Variants in SLC7A1 observed in about 807,000 individuals in gnomAD.
The protein encoded by SLC7A1 is high affinity cationic amino acid transporter 1.
In SLC7A1, 10 loss-of-function variants were observed where a neutral mutation model predicts 53.9. The observed-to-expected ratio is 0.19, with a 90% CI of 0.11 to 0.31. The LOEUF (loss-of-function observed/expected upper bound fraction) is 0.31. Ranked by LOEUF, SLC7A1 falls within the 10% of genes least tolerant of loss-of-function variation. SLC7A1 has a pLI of 1.00. For synonymous variants in SLC7A1, 342 were observed against 338.7 expected (o/e 1.01, Z -0.11); for missense variants, 525 against 827.2 (o/e 0.63, Z 4.48).
In SLC7A1 at chr13:29,514,503, C is replaced by G. The variant is rs141199906; in HGVS notation, c.1867G>C (p.Gly623Arg). ...CGTCACTTGCACTGGTCCAAGTTGCCGTCAGGAGTCCTTGCTTGGTCGGCA... is the reference window on the plus strand; with the variant it reads ...CGTCACTTGCACTGGTCCAAGTTGCGGTCAGGAGTCCTTGCTTGGTCGGCA... ...LDADQARTPD[G>R]NLDQCK Residue 623 changes from glycine to arginine, a missense_variant, in exon 13 of 13, where the codon GGC becomes CGC. Gly to Arg is a moderately radical substitution (Grantham distance 125). Coordinates refer to ENST00000380752, the MANE Select transcript of SLC7A1 (RefSeq NM_003045.5). 52 of 1,610,476 alleles carry G rather than the reference C, an allele frequency of 3.2e-5. No individual in the cohort carries two copies. In the Admixed American group the frequency reaches 6.2e-4, roughly 19 times the overall value.
At chr13:29,568,773 G>T (rs1226649598) in intron 1 of SLC7A1, among the ~76,000 whole-genome samples, 1 of 152,206 alleles carries the variant, frequency 6.6e-6, no homozygotes, top group Non-Finnish European at 1.5e-5. Context: ...ACCTTGTGTG[G>T]CCGCAAAGCC....
Position 29,513,080 on chromosome 13 carries a change from G to A in SLC7A1, c.*1400C>T, listed in dbSNP as rs1000729405. On this transcript the variant is annotated 3_prime_UTR_variant, in exon 13 of 13. Coordinates refer to ENST00000380752, the MANE Select transcript of SLC7A1 (RefSeq NM_003045.5). The stretch of plus-strand genomic sequence containing the variant: ...AGACTCAGTGGAACGCTCCACCCAC[G>A]TTCAGGTTTCCTCTGGCTCCCATCT... 2.0e-5 allele frequency: 3 copies of A among 152,190 alleles called. No homozygotes were observed. The highest frequency in any genetic ancestry group is 1.9e-4 in the East Asian group (1 of 5,178). The allele number at this position is 152,190 out of a possible 1,614,324, so 9.4% of individuals were successfully genotyped here.
intron 12 of SLC7A1, among the ~76,000 whole-genome samples, chr13:29,515,122 T>G (rs1883517198): frequency 6.6e-6 from 1 of 152,194 alleles, no homozygotes; most frequent in African/African-American, 2.4e-5. Context: ...CCAGGACCTA[T>G]GCTTCTTACC....
chr13:29,534,083 A>T (rs969101021), intron 3 of SLC7A1, among the ~76,000 whole-genome samples: 3 of 152,184 alleles, frequency 2.0e-5, no homozygotes, highest in Admixed American at 1.3e-4. Flanking sequence ...CCCCCAAAGC[A>T]GCTGGCTTAT....
intron 4 of SLC7A1, among the ~76,000 whole-genome samples, chr13:29,532,221 A>C (rs1336637972): frequency 6.6e-6 from 1 of 152,252 alleles, no homozygotes; most frequent in African/African-American, 2.4e-5. Flanking sequence ...CTCGCGCTGC[A>C]CTGGCCAAGA....
At chr13:29,545,354 T>G (rs1013797168) in intron 2 of SLC7A1, among the ~76,000 whole-genome samples, 3 of 151,990 alleles carry the variant, frequency 2.0e-5, no homozygotes, top group African/African-American at 7.3e-5. Context: ...CCCATGCCAC[T>G]GTGGGGACCA....
intron 1 of SLC7A1, among the ~76,000 whole-genome samples, chr13:29,571,561 G>A (rs750144713): frequency 1.3e-5 from 2 of 152,118 alleles, no homozygotes; most frequent in African/African-American, 2.4e-5. Context: ...GGATAGTCCC[G>A]CTCACCCAGA....
chr13:29,575,252 T>A (rs1871362966), intron 1 of SLC7A1, among the ~76,000 whole-genome samples: 1 of 152,214 alleles, frequency 6.6e-6, no homozygotes, highest in African/African-American at 2.4e-5. Flanking sequence ...TTTTCTTATT[T>A]ATATATAAAG....
chr13:29,567,615 C>T lies in SLC7A1; in HGVS notation c.-114-13755G>A, dbSNP rs116282768. ...ACACCTGACAGGTAAGCTCCTGCCA[C>T]ACTCCTGGGTGTTTACAAGCTGCTG... is the stretch of plus-strand genomic sequence containing the variant. On this transcript the variant is annotated intron_variant, in intron 1 of 12. Transcript: ENST00000380752. Among the ~76,000 whole-genome samples, 732 of 152,340 alleles carry T rather than the reference C, an allele frequency of 4.8e-3. 6 individuals are homozygous for T. Among genetic ancestry groups the T allele is most frequent in the African/African-American group, 0.016 (645 of 41,582 alleles).
At chr13:29,522,870 C>T (rs908730954) in intron 7 of SLC7A1, among the ~76,000 whole-genome samples, 3 of 152,142 alleles carry the variant, frequency 2.0e-5, no homozygotes, top group Non-Finnish European at 2.9e-5. Context: ...AGAGGAAATA[C>T]GATTGGTGAA....
chr13:29,514,462 G>A lies in SLC7A1; in HGVS notation c.*18C>T, dbSNP rs561952007. The A allele has an allele frequency of 2.7e-5, 43 of 1,591,986 alleles. No individual in the cohort carries two copies. In the East Asian group the frequency reaches 3.4e-4, roughly 12 times the overall value. On this transcript the variant is annotated 3_prime_UTR_variant, in exon 13 of 13. Coordinates refer to ENST00000380752, the MANE Select transcript of SLC7A1 (RefSeq NM_003045.5). ...GTCCCTCGGGGCTGCTGCCACCTCC[G>A]GGGGGCGGGGCTGTGCGTCACTTGC... is the stretch of plus-strand genomic sequence containing the variant.
chr13:29,545,733 C>A (rs1158516424), intron 2 of SLC7A1, among the ~76,000 whole-genome samples: 2 of 151,958 alleles, frequency 1.3e-5, no homozygotes, highest in East Asian at 3.8e-4. Flanking sequence ...TTCCCTTCAT[C>A]GAAACTTTGC....
At chr13:29,551,563 C>A (rs748192734) in intron 2 of SLC7A1, among the ~76,000 whole-genome samples, 8 of 152,194 alleles carry the variant, frequency 5.3e-5, no homozygotes, top group Non-Finnish European at 1.0e-4. Flanking sequence ...AAGCGGAAGA[C>A]TCTGACTTAG....
intron 5 of SLC7A1, among the ~76,000 whole-genome samples, chr13:29,527,072 TAAA>T (rs34724516): frequency 9.7e-4 from 139 of 143,946 alleles, no homozygotes; most frequent in Middle Eastern, 3.6e-3. Flanking sequence ...AGGGCCTGAT[TAAA>T]AAAAAAAAAA....
intron 1 of SLC7A1, among the ~76,000 whole-genome samples, chr13:29,584,009 A>G (rs991055331): frequency 6.6e-6 from 1 of 152,218 alleles, no homozygotes. Flanking sequence ...GCAATAACAG[A>G]GTCATCATTT....
intron 4 of SLC7A1, 121 bp from the exon 5 acceptor site, chr13:29,530,833 A>G (rs1869117199): frequency 1.4e-6 from 1 of 714,278 alleles, no homozygotes; most frequent in Admixed American, 2.6e-5. Context: ...GCCTCTGCAG[A>G]CCTCTGTGAG....
chr13:29,510,587 T>A lies in SLC7A1; in HGVS notation c.*3893A>T, dbSNP rs1170309652. 1.3e-5 allele frequency: 2 copies of A among 152,268 alleles called. No homozygotes were observed. The highest frequency in any genetic ancestry group is 1.3e-4 in the Admixed American group (2 of 15,292). The allele number at this position is 152,268 out of a possible 1,614,324, so 9.4% of individuals were successfully genotyped here. ...GCGAACTCTGCATCAGTTCCACATA[T>A]AAGCCTCACGCCCCCACCACCCTGC... On this transcript the variant is annotated 3_prime_UTR_variant, in exon 13 of 13. Coordinates refer to ENST00000380752, the MANE Select transcript of SLC7A1 (RefSeq NM_003045.5).
intron 2 of SLC7A1, among the ~76,000 whole-genome samples, chr13:29,539,814 G>A (rs763763321): frequency 6.6e-6 from 1 of 152,132 alleles, no homozygotes; most frequent in Non-Finnish European, 1.5e-5. Flanking sequence ...GAATTCCTTT[G>A]GAAGACACTG....
At chr13:29,534,829 G>C (rs763334425) in intron 3 of SLC7A1, among the ~76,000 whole-genome samples, 24 of 152,300 alleles carry the variant, frequency 1.6e-4, no homozygotes, top group African/African-American at 5.3e-4. Flanking sequence ...ATGGCATGTT[G>C]AGTGGCCGTT....
Sources: allele counts gnomAD v4.1 joint callset (sites outside exome capture counted in the v4.1 genomes callset), GRCh38; gene constraint gnomAD v4.1.1; transcripts MANE v1.5; gene names NCBI Gene and HGNC (gene_info 2026-07-23, HGNC 2026-07-21).